PGM5: variants seen among roughly 807,000 people sequenced by gnomAD.
PGM5 encodes phosphoglucomutase 5.
PGM5 carries 23 observed loss-of-function variants against 59.2 expected under a neutral mutation model. That is an observed-to-expected ratio of 0.39 (90% CI 0.28 to 0.55). PGM5 has a LOEUF of 0.55. PGM5 is among the 20% of genes least tolerant of loss of function. PGM5 has a pLI of 0.66. For synonymous variants in PGM5, 214 were observed against 286.0 expected (o/e 0.75, Z 2.54); for missense variants, 574 against 748.3 (o/e 0.77, Z 2.72).
Position 68,483,965 on chromosome 9 carries a change from G to A in PGM5, c.1396G>A (p.Val466Met), listed in dbSNP as rs199548660. The change falls in exon 9 of 11, where the codon GTG becomes ATG. Residue 466 changes from valine to methionine, a missense_variant. This residue lies in a region of PGM5 where 300 missense variants were observed against 280.0 expected (regional missense o/e 1.07). Coordinates refer to ENST00000396396, the MANE Select transcript of PGM5 (RefSeq NM_021965.4). The stretch of plus-strand genomic sequence containing the variant: ...ATCCTTCATTGGCCAGCAGTTTGCT[G>A]TGGGGAGCCATGTCTACAGCGTGGC... ...DKSFIGQQFA[V>M]GSHVYSVAKT... is the part of the protein sequence containing the mutation. 44 of 1,614,152 alleles carry A rather than the reference G, an allele frequency of 2.7e-5. No homozygotes were observed. Among genetic ancestry groups the A allele is most frequent in the Admixed American group, 8.3e-5 (5 of 60,028 alleles).
chr9:68,414,420 A>G (rs148190827), intron 6 of PGM5, among the ~76,000 whole-genome samples: 2,833 of 152,230 alleles, frequency 0.019, 103 homozygotes, highest in African/African-American at 0.065. Context: ...CAATGAAAGG[A>G]TATGCTATTG....
At chr9:68,470,916 G>C (rs1554686185) in intron 7 of PGM5, among the ~76,000 whole-genome samples, 1 of 152,208 alleles carries the variant, frequency 6.6e-6, no homozygotes, top group Non-Finnish European at 1.5e-5. Flanking sequence ...ACACCCCCGT[G>C]AGCCTTCTTA....
At chr9:68,387,824 T>C (rs1822265296) in intron 4 of PGM5, among the ~76,000 whole-genome samples, 1 of 152,000 alleles carries the variant, frequency 6.6e-6, no homozygotes, top group African/African-American at 2.4e-5. Flanking sequence ...GTGTGGAGTA[T>C]AGTAAAACTG....
chr9:68,506,928 A>G (rs1554689064), intron 10 of PGM5, among the ~76,000 whole-genome samples: 1 of 152,174 alleles, frequency 6.6e-6, no homozygotes, highest in African/African-American at 2.4e-5. Context: ...TACAGTTTAT[A>G]GCCCCCCAAA....
chr9:68,498,982 A>G (rs1824526380), intron 9 of PGM5: 1 of 475,894 alleles, frequency 2.1e-6, no homozygotes, highest in Admixed American at 3.5e-5. Context: ...GTATCTGTTC[A>G]CAGCTTTGCT....
Position 68,380,770 on chromosome 9 carries a change from G to T in PGM5, c.424+2409G>T, listed in dbSNP as rs1187568305. Among the ~76,000 whole-genome samples, 51 of 151,944 alleles carry T rather than the reference G, an allele frequency of 3.4e-4. 1 individual carries two copies. The highest frequency in any genetic ancestry group is 1.2e-3 in the African/African-American group (50 of 41,524). On this transcript the variant is annotated intron_variant, in intron 2 of 10. Coordinates refer to ENST00000396396, the MANE Select transcript of PGM5 (RefSeq NM_021965.4). Reference sequence around the variant, plus strand: ...TGGAGACATTGCAATAGATACCTCAGAAATAAAAATGGTCATAAGGGATTA... The same window carrying T: ...TGGAGACATTGCAATAGATACCTCATAAATAAAAATGGTCATAAGGGATTA...
Position 68,391,732 on chromosome 9 carries a change from G to A in PGM5, c.888+8G>A, listed in dbSNP as rs370238425. ...GCATTTGATGCTGATGGGGTAAGTAGGAAAGCTGTCTGTCTGCTGACCCTT... is the reference window on the plus strand; with the variant it reads ...GCATTTGATGCTGATGGGGTAAGTAAGAAAGCTGTCTGTCTGCTGACCCTT... On this transcript the variant is annotated splice_region_variant and intron_variant, in intron 5 of 10. Transcript: ENST00000396396. 17 of 1,612,476 alleles carry A rather than the reference G, an allele frequency of 1.1e-5. No homozygotes were observed. Among genetic ancestry groups the A allele is most frequent in the African/African-American group, 2.7e-5 (2 of 74,822 alleles).
intron 6 of PGM5, among the ~76,000 whole-genome samples, chr9:68,460,181 G>C (rs1299622709): frequency 6.6e-6 from 1 of 151,964 alleles, no homozygotes; most frequent in South Asian, 2.1e-4. Context: ...GTGTTTTTTT[G>C]GCTACTCTCT....
chr9:68,485,944 T>C (rs782695991), intron 9 of PGM5, among the ~76,000 whole-genome samples: 30 of 152,178 alleles, frequency 2.0e-4, no homozygotes, highest in African/African-American at 5.8e-4. Context: ...GATGGTTCCT[T>C]TGCTGCCGTT....
intron 10 of PGM5, among the ~76,000 whole-genome samples, chr9:68,527,678 AG>A (rs149639248): frequency 0.17 from 26,265 of 152,174 alleles, 2,910 homozygotes; most frequent in Non-Finnish European, 0.25. Flanking sequence ...ACGGAACCGG[AG>A]GAAAGTGCCA....
chr9:68,470,700 T>A (rs1327474262), intron 7 of PGM5, among the ~76,000 whole-genome samples: 1 of 152,244 alleles, frequency 6.6e-6, no homozygotes, highest in Non-Finnish European at 1.5e-5. Flanking sequence ...GCATTTCAGA[T>A]TACTGAGGTC....
rs1198608539 is a variant in PGM5 at position 68,357,220 on chromosome 9, C to A, written c.93C>A (p.Thr31=). ...PAGGGGLRRP[T]GLFEGQRNYL... is the part of the protein sequence containing the mutation. ...GCGGCGGGGGTCTGCGGCGACCCAC[C>A]GGCCTCTTCGAGGGCCAGCGCAACT... The change falls in exon 1 of 11, where the codon ACC becomes ACA. Residue 31 remains threonine, a synonymous_variant. Transcript: ENST00000396396. The A allele has an allele frequency of 9.1e-6, 14 of 1,540,940 alleles. No homozygotes were observed. The highest frequency in any genetic ancestry group is 1.2e-5 in the Non-Finnish European group (14 of 1,145,934).
chr9:68,431,723 T>A (rs886760079), intron 6 of PGM5, among the ~76,000 whole-genome samples: 1 of 152,130 alleles, frequency 6.6e-6, no homozygotes, highest in East Asian at 1.9e-4. Context: ...CTTATAAGGA[T>A]GGGGGATTTA....
intron 10 of PGM5, among the ~76,000 whole-genome samples, chr9:68,520,178 GA>G (rs976042338): frequency 4.6e-5 from 7 of 150,948 alleles, no homozygotes; most frequent in African/African-American, 1.5e-4. Flanking sequence ...TTAAAAGACG[GA>G]AAAAGATATA....
intron 7 of PGM5, chr9:68,466,037 C>A: frequency 1.5e-6 from 1 of 668,826 alleles, no homozygotes; most frequent in Non-Finnish European, 2.2e-6. Flanking sequence ...TCTCCTTCCC[C>A]ATTCTTTGTC....
At chr9:68,494,879 T>G (rs1158449653) in intron 9 of PGM5, among the ~76,000 whole-genome samples, 1 of 152,230 alleles carries the variant, frequency 6.6e-6, no homozygotes, top group Non-Finnish European at 1.5e-5. Flanking sequence ...AGAACGTGCA[T>G]GTGTTTTCAT....
chr9:68,466,661 G>C (rs370904443), intron 7 of PGM5: 1 of 152,896 alleles, frequency 6.5e-6, no homozygotes, highest in East Asian at 1.9e-4. Flanking sequence ...ATCTGGGTTT[G>C]GGTTTTACTG....
intron 10 of PGM5, among the ~76,000 whole-genome samples, chr9:68,517,109 C>T (rs925168617): frequency 8.6e-5 from 13 of 151,386 alleles, no homozygotes; most frequent in African/African-American, 3.2e-4. Flanking sequence ...GCCTCAAATT[C>T]CCGACTTCAG....
intron 6 of PGM5, among the ~76,000 whole-genome samples, chr9:68,445,578 C>T (rs1294165432): frequency 6.6e-6 from 1 of 152,156 alleles, no homozygotes; most frequent in African/African-American, 2.4e-5. Context: ...CTTGCATTCT[C>T]TCCTTACACT....
Sources: allele counts gnomAD v4.1 joint callset (sites outside exome capture counted in the v4.1 genomes callset), GRCh38; gene constraint gnomAD v4.1.1; regional missense constraint gnomAD v4.1.1; transcripts MANE v1.5; gene names NCBI Gene and HGNC (gene_info 2026-07-23, HGNC 2026-07-21).